Variants in FRMD4A observed in about 807,000 individuals in gnomAD.
FRMD4A encodes the protein FERM domain-containing protein 4A.
A neutral mutation model predicts 129.1 loss-of-function variants in FRMD4A; 29 were observed. That is an observed-to-expected ratio of 0.22 (90% CI 0.17 to 0.31). FRMD4A has a LOEUF of 0.31. FRMD4A is among the 10% of genes least tolerant of loss of function. FRMD4A has a pLI of 1.00. For missense variants in FRMD4A, 1,272 were observed against 1,375.8 expected, an observed-to-expected ratio of 0.92 and a Z score of 1.19; for synonymous variants, 634 against 571.6, an observed-to-expected ratio of 1.11 and a Z score of -1.56.
intron 2 of FRMD4A, among the ~76,000 whole-genome samples, chr10:13,935,997 T>C (rs956711766): frequency 6.6e-6 from 1 of 152,232 alleles, no homozygotes; most frequent in African/African-American, 2.4e-5. Context: ...AAGGGAAATG[T>C]GTTTGGCACA....
At chr10:13,747,593 T>C (rs377553967) in intron 9 of FRMD4A, 143 bp downstream of exon 9, 26 of 414,866 alleles carry the variant, frequency 6.3e-5, no homozygotes, top group Middle Eastern at 6.4e-4. Context: ...GAAAATGGTT[T>C]CAGGAAGACA....
At chr10:14,048,842 G>C (rs1288680327) in intron 2 of FRMD4A, among the ~76,000 whole-genome samples, 1 of 57,084 alleles carries the variant, frequency 1.8e-5, no homozygotes, top group African/African-American at 1.0e-4. Flanking sequence ...GAATAGAATA[G>C]AATAGAATAG....
chr10:13,837,229 C>T (rs577327923), intron 3 of FRMD4A, among the ~76,000 whole-genome samples: 101 of 152,292 alleles, frequency 6.6e-4, no homozygotes, highest in African/African-American at 2.2e-3. Flanking sequence ...AGACAACCAC[C>T]CAAAATTACA....
At chr10:14,319,126 T>C (rs1846868482) in intron 2 of FRMD4A, among the ~76,000 whole-genome samples, 2 of 152,254 alleles carry the variant, frequency 1.3e-5, no homozygotes, top group Admixed American at 6.5e-5. Flanking sequence ...GAGTGAAGAC[T>C]TATCTCCAGA....
At chr10:13,708,225 G>A (rs1442236674) in intron 12 of FRMD4A, among the ~76,000 whole-genome samples, 1 of 152,144 alleles carries the variant, frequency 6.6e-6, no homozygotes, top group East Asian at 1.9e-4. Context: ...CAGAGTCCTC[G>A]GACCTCAGGC....
intron 4 of FRMD4A, among the ~76,000 whole-genome samples, chr10:13,800,325 T>C (rs908241213): frequency 6.6e-6 from 1 of 152,250 alleles, no homozygotes; most frequent in African/African-American, 2.4e-5. Context: ...TTGATTTGAA[T>C]GACTGCCTGC....
chr10:14,304,154 T>A (rs1400130297), intron 2 of FRMD4A, among the ~76,000 whole-genome samples: 1 of 152,198 alleles, frequency 6.6e-6, no homozygotes, highest in Admixed American at 6.5e-5. Context: ...TACCCAGAAG[T>A]GGAATTGCTG....
At position 13,656,726 on chromosome 10, in the gene FRMD4A, T is replaced by C. The variant is rs759883779; in HGVS notation, c.2863A>G (p.Ser955Gly). The change falls in exon 22 of 25, where the codon AGC becomes GGC. Residue 955 changes from serine to glycine, a missense_variant. Around this residue, in one of 2 missense-constraint regions of FRMD4A, gnomAD observed 972 missense variants for 892.3 expected, o/e 1.09. Transcript: ENST00000357447. Reference protein sequence around the residue: ...LSHTSSTSSDSGSQYSTSSQS... With the variant: ...LSHTSSTSSDGGSQYSTSSQS... ...GAGGAGGTGCTGTACTGCGAGCCGC[T>C]GTCCGAGGAGGTGGAGCTGGTGTGC... The C allele has an allele frequency of 6.3e-7, 1 of 1,590,964 alleles. No individual in the cohort carries two copies. The highest frequency in any genetic ancestry group is 8.5e-7 in the Non-Finnish European group (1 of 1,169,954).
chr10:14,233,504 G>A (rs1843702594), intron 2 of FRMD4A, among the ~76,000 whole-genome samples: 1 of 152,212 alleles, frequency 6.6e-6, no homozygotes, highest in Admixed American at 6.5e-5. Flanking sequence ...AACTCAGGAG[G>A]TGGAGTTTGC....
intron 2 of FRMD4A, among the ~76,000 whole-genome samples, chr10:14,229,691 A>G (rs113619152): frequency 1.1e-3 from 175 of 152,292 alleles, no homozygotes; most frequent in African/African-American, 3.6e-3. Context: ...CTCCCACCTC[A>G]GCCTCTCAAA....
At position 13,732,230 on chromosome 10, in the gene FRMD4A, C is replaced by T. The variant is rs115787911; in HGVS notation, c.759+5614G>A. Reference sequence around the variant, plus strand: ...ACTCTGAAACTAGGATGGCAAACTGCTTGCAACTGGAGAATGAGGGACGGG... The same window carrying T: ...ACTCTGAAACTAGGATGGCAAACTGTTTGCAACTGGAGAATGAGGGACGGG... On this transcript the variant is annotated intron_variant, in intron 12 of 24. Transcript: ENST00000357447. Among the ~76,000 whole-genome samples the T allele has an allele frequency of 9.6e-3, 1,457 of 152,212 alleles. 16 individuals are homozygous for T. The highest frequency in any genetic ancestry group is 0.034 in the Middle Eastern group (10 of 294).
chr10:13,645,807 A>T lies in FRMD4A; in HGVS notation c.*1231T>A, dbSNP rs2134294521. ...GTCACACAAGTGCTAACGAACAGAA[A>T]ATGAGCCACGACAGTTAAACACTGA... On this transcript the variant is annotated 3_prime_UTR_variant, in exon 25 of 25. Transcript: ENST00000357447. 1 of 152,722 alleles carries T rather than the reference A, an allele frequency of 6.5e-6. No homozygotes were observed. The highest frequency in any genetic ancestry group is 1.5e-5 in the Non-Finnish European group (1 of 68,026). 9.5% of individuals were successfully genotyped at this position (152,722 alleles called of 1,614,324 possible). A position where few individuals can be genotyped will look rare whatever the true frequency, so the allele number is the denominator to read the frequency against.
chr10:13,947,128 GC>G (rs1216567331), intron 2 of FRMD4A, among the ~76,000 whole-genome samples: 1 of 152,156 alleles, frequency 6.6e-6, no homozygotes, highest in Non-Finnish European at 1.5e-5. Flanking sequence ...TTAGCCTGCA[GC>G]CTTCCAGGCT....
intron 2 of FRMD4A, among the ~76,000 whole-genome samples, chr10:13,968,610 G>A (rs1263428208): frequency 6.6e-6 from 1 of 152,162 alleles, no homozygotes; most frequent in African/African-American, 2.4e-5. Context: ...GTGCCACCAT[G>A]CCCGGCTAAT....
At chr10:13,783,152 T>C in intron 5 of FRMD4A, 146 bp from the exon 6 acceptor site, 4 of 614,024 alleles carry the variant, frequency 6.5e-6, no homozygotes, top group Non-Finnish European at 8.7e-6. Flanking sequence ...GGTTTTTCTA[T>C]GATTCCCTAG....
At chr10:14,054,557 C>G (rs1333906451) in intron 2 of FRMD4A, among the ~76,000 whole-genome samples, 1 of 151,860 alleles carries the variant, frequency 6.6e-6, no homozygotes, top group Non-Finnish European at 1.5e-5. Context: ...TCTACACAGC[C>G]AGCATCCTAT....
chr10:14,271,361 G>A (rs933355898), intron 2 of FRMD4A, among the ~76,000 whole-genome samples: 32 of 152,342 alleles, frequency 2.1e-4, no homozygotes, highest in Admixed American at 6.5e-4. Context: ...AGCAGCTCAG[G>A]GTGCAAGGCA....
At chr10:13,752,170 A>G (rs528226013) in intron 8 of FRMD4A, among the ~76,000 whole-genome samples, 1 of 152,374 alleles carries the variant, frequency 6.6e-6, no homozygotes, top group East Asian at 1.9e-4. Flanking sequence ...TGCCAGGATA[A>G]AAGTGGTATC....
At chr10:13,847,316 T>C (rs1193942059) in intron 3 of FRMD4A, among the ~76,000 whole-genome samples, 1 of 152,172 alleles carries the variant, frequency 6.6e-6, no homozygotes, top group Admixed American at 6.5e-5. Flanking sequence ...CTCTCAGCTC[T>C]GTGCTGGGCA....
Sources: gnomAD v4.1 joint callset for allele counts (sites outside exome capture counted in the v4.1 genomes callset) on GRCh38, gnomAD v4.1.1 for gene constraint, gnomAD v4.1.1 regional missense constraint, MANE v1.5 for transcripts, NCBI Gene and HGNC (gene_info 2026-07-23, HGNC 2026-07-21) for gene names.